The following DCAF10 variants were observed in gnomAD, a reference collection of about 807,000 sequenced individuals.
DCAF10 encodes DDB1- and CUL4-associated factor 10.
A neutral mutation model predicts 51.9 loss-of-function variants in DCAF10; 19 were observed. The ratio of observed to expected loss-of-function variants is 0.37; its 90% confidence interval spans 0.26 to 0.54. The LOEUF (loss-of-function observed/expected upper bound fraction) is 0.54, where lower values mean the gene tolerates loss of function less well. DCAF10 is among the 20% of genes least tolerant of loss of function. DCAF10 has a pLI of 0.87. For missense variants in DCAF10, 510 were observed against 730.6 expected (o/e 0.70, Z 3.48); for synonymous variants, 291 against 297.1 (o/e 0.98, Z 0.21).
chr9:37,810,715 G>A (rs1300616452), intron 1 of DCAF10, among the ~76,000 whole-genome samples: 1 of 152,110 alleles, frequency 6.6e-6, no homozygotes, highest in East Asian at 1.9e-4. Context: ...GTCTGCCTCG[G>A]CCTCCCAAAG....
At chr9:37,836,503 A>G (rs1296042861) in intron 2 of DCAF10, 1 of 931,222 alleles carries the variant, frequency 1.1e-6, no homozygotes, top group Non-Finnish European at 1.8e-6. Flanking sequence ...AGTCTGCCCT[A>G]ACTGCTCTAT....
At chr9:37,818,183 A>T (rs761902377) in intron 1 of DCAF10, among the ~76,000 whole-genome samples, 1 of 152,082 alleles carries the variant, frequency 6.6e-6, no homozygotes, top group South Asian at 2.1e-4. Context: ...TTTAGTAGAG[A>T]CAGGGTTTCA....
intron 3 of DCAF10, among the ~76,000 whole-genome samples, chr9:37,849,084 A>T (rs900658143): frequency 1.2e-4 from 18 of 152,166 alleles, no homozygotes; most frequent in Non-Finnish European, 2.5e-4. Flanking sequence ...GATAGAAGGA[A>T]ATTTATCAAA....
chr9:37,835,912 C>A, intron 2 of DCAF10: 1 of 1,183,268 alleles, frequency 8.5e-7, no homozygotes, highest in South Asian at 1.2e-5. Flanking sequence ...AAACTGTACC[C>A]ACTTCATATT....
At chr9:37,854,688 A>T in intron 3 of DCAF10, 92 bp from the exon 4 acceptor site, 1 of 1,209,234 alleles carries the variant, frequency 8.3e-7, no homozygotes, top group Non-Finnish European at 1.2e-6. Context: ...CATCCTCCCT[A>T]CATTTTATTT....
At chr9:37,844,414 G>T (rs917719297) in intron 3 of DCAF10, among the ~76,000 whole-genome samples, 6 of 152,194 alleles carry the variant, frequency 3.9e-5, no homozygotes, top group African/African-American at 1.4e-4. Flanking sequence ...ACTTCGGAAG[G>T]CCGAGGTGGG....
intron 3 of DCAF10, among the ~76,000 whole-genome samples, chr9:37,850,660 A>T (rs993704931): frequency 6.6e-6 from 1 of 151,720 alleles, no homozygotes; most frequent in Non-Finnish European, 1.5e-5. Context: ...TGGTCAAAAA[A>T]TACAACATTT....
intron 2 of DCAF10, among the ~76,000 whole-genome samples, chr9:37,826,237 G>T (rs1392406573): frequency 6.6e-6 from 1 of 152,110 alleles, no homozygotes; most frequent in African/African-American, 2.4e-5. Context: ...AATGAGCAAA[G>T]GATATGGACA....
intron 2 of DCAF10, among the ~76,000 whole-genome samples, chr9:37,833,697 G>A (rs1391411703): frequency 1.3e-5 from 2 of 152,188 alleles, no homozygotes; most frequent in Non-Finnish European, 2.9e-5. Flanking sequence ...CAGAGACACA[G>A]ATTTCAGTGT....
chr9:37,833,999 G>C (rs1830077246), intron 2 of DCAF10, among the ~76,000 whole-genome samples: 1 of 152,136 alleles, frequency 6.6e-6, no homozygotes, highest in Non-Finnish European at 1.5e-5. Context: ...GAGTGCAGTG[G>C]TGCGATCTCG....
In DCAF10 at chr9:37,804,957, G is replaced by T. The variant is rs527762703; in HGVS notation, c.539+3552G>T. ...GTTCTTTGTCCTTGCCAAGAACAAA[G>T]ATGAAATAAATACATATTCAGACAA... is the stretch of plus-strand genomic sequence containing the variant. On this transcript the variant is annotated intron_variant, in intron 1 of 6. Coordinates refer to ENST00000377724, the MANE Select transcript of DCAF10 (RefSeq NM_024345.5). Among the ~76,000 whole-genome samples, 260 of 152,218 alleles carry T rather than the reference G, an allele frequency of 1.7e-3. 1 individual carries two copies. Among genetic ancestry groups the T allele is most frequent in the African/African-American group, 5.6e-3 (231 of 41,532 alleles).
chr9:37,837,656 A>G (rs1488761726), intron 2 of DCAF10, among the ~76,000 whole-genome samples: 2 of 152,082 alleles, frequency 1.3e-5, no homozygotes, highest in African/African-American at 4.8e-5. Flanking sequence ...AACAGTTGGT[A>G]TAGCAACCCC....
chr9:37,819,783 C>T (rs1283282931), intron 2 of DCAF10, among the ~76,000 whole-genome samples: 1 of 152,160 alleles, frequency 6.6e-6, no homozygotes, highest in Non-Finnish European at 1.5e-5. Flanking sequence ...TGCAGAAATA[C>T]AGACTGTTAA....
intron 2 of DCAF10, chr9:37,832,077 A>G (rs958889723): frequency 1.3e-5 from 2 of 151,284 alleles, no homozygotes; most frequent in African/African-American, 4.9e-5. Flanking sequence ...TTAGTCGGGC[A>G]TGGTGGCGGG....
intron 1 of DCAF10, among the ~76,000 whole-genome samples, chr9:37,816,467 G>A (rs924550982): frequency 6.6e-6 from 1 of 152,186 alleles, no homozygotes; most frequent in African/African-American, 2.4e-5. Context: ...GCACATGCCT[G>A]TAATCCCAGC....
chr9:37,809,864 G>A (rs1322225830), intron 1 of DCAF10, among the ~76,000 whole-genome samples: 4 of 150,122 alleles, frequency 2.7e-5, no homozygotes, highest in Non-Finnish European at 5.9e-5. Flanking sequence ...TAGGGGGAGC[G>A]GGGCGGCCGT....
chr9:37,830,911 G>C (rs1395991857), intron 2 of DCAF10, among the ~76,000 whole-genome samples: 2 of 152,152 alleles, frequency 1.3e-5, no homozygotes, highest in Non-Finnish European at 2.9e-5. Flanking sequence ...TTTGAAGCTC[G>C]TTTAGAAGTA....
intron 2 of DCAF10, among the ~76,000 whole-genome samples, chr9:37,821,382 AAAC>A (rs1335446148): frequency 2.0e-5 from 3 of 152,228 alleles, no homozygotes; most frequent in Admixed American, 1.3e-4. Flanking sequence ...TTAAAAACTG[AAAC>A]AAAAGAGATT....
chr9:37,816,549 C>T (rs1404898609), intron 1 of DCAF10, among the ~76,000 whole-genome samples: 1 of 152,088 alleles, frequency 6.6e-6, no homozygotes, highest in Non-Finnish European at 1.5e-5. Context: ...GAGATTGTGC[C>T]ATTGCACTCC....
Sources: gnomAD v4.1 joint callset for allele counts (sites outside exome capture counted in the v4.1 genomes callset) on GRCh38, gnomAD v4.1.1 for gene constraint, MANE v1.5 for transcripts, NCBI Gene and HGNC (gene_info 2026-07-23, HGNC 2026-07-21) for gene names.